NPAS2: variants seen among roughly 807,000 people sequenced by gnomAD.
The protein encoded by NPAS2 is neuronal PAS domain-containing protein 2.
NPAS2 carries 23 observed loss-of-function variants against 107.5 expected under a neutral mutation model. The observed-to-expected ratio is 0.21, with a 90% CI of 0.15 to 0.30. The LOEUF is 0.30. Among genes scored for constraint, NPAS2 ranks in the 10% least tolerant of loss-of-function variants. The pLI is 1.00. For missense variants in NPAS2, 756 were observed against 1,043.3 expected, an observed-to-expected ratio of 0.72 and a Z score of 3.79; for synonymous variants, 403 against 417.5, an observed-to-expected ratio of 0.97 and a Z score of 0.42.
chr2:100,832,117 C>T (rs140643504), intron 1 of NPAS2, among the ~76,000 whole-genome samples: 1,539 of 152,176 alleles, frequency 0.01, 51 homozygotes, highest in Admixed American at 0.058. Flanking sequence ...CCTGGGCCTG[C>T]GATCCCCGCT....
intron 5 of NPAS2, among the ~76,000 whole-genome samples, chr2:100,943,141 G>A (rs1344357298): frequency 2.0e-5 from 3 of 152,200 alleles, no homozygotes; most frequent in Non-Finnish European, 4.4e-5. Flanking sequence ...TGATGCCATA[G>A]TGGTGGCACC....
At chr2:100,964,458 A>G (rs1311214577) in intron 8 of NPAS2, among the ~76,000 whole-genome samples, 1 of 152,202 alleles carries the variant, frequency 6.6e-6, no homozygotes, top group African/African-American at 2.4e-5. Context: ...CGTTAATACC[A>G]TGCAGGCCAG....
At chr2:100,982,400 C>G (rs1292953033) in intron 16 of NPAS2, 23 bp downstream of exon 16, 3 of 1,611,682 alleles carry the variant, frequency 1.9e-6, no homozygotes, top group South Asian at 2.2e-5. Flanking sequence ...CCGGGCTGGC[C>G]TCTGTCCCTG....
chr2:100,911,700 C>T (rs1573603743), intron 2 of NPAS2, among the ~76,000 whole-genome samples: 1 of 151,780 alleles, frequency 6.6e-6, no homozygotes, highest in Non-Finnish European at 1.5e-5. Context: ...GGCACAATGT[C>T]GGCTCACTGC....
At chr2:100,843,667 AC>A (rs539463988) in intron 1 of NPAS2, among the ~76,000 whole-genome samples, 2 of 152,156 alleles carry the variant, frequency 1.3e-5, no homozygotes, top group Non-Finnish European at 2.9e-5. Flanking sequence ...TGCTTTCCAC[AC>A]TTCAGTGTTC....
At chr2:100,963,608 G>T (rs1676042915) in intron 7 of NPAS2, among the ~76,000 whole-genome samples, 1 of 152,104 alleles carries the variant, frequency 6.6e-6, no homozygotes, top group East Asian at 1.9e-4. Flanking sequence ...TAGAGATGGG[G>T]TTTCACAGTG....
intron 1 of NPAS2, among the ~76,000 whole-genome samples, chr2:100,855,178 A>G (rs1678478035): frequency 6.6e-6 from 1 of 152,076 alleles, no homozygotes; most frequent in Non-Finnish European, 1.5e-5. Flanking sequence ...TCATATTTCT[A>G]CCTTGGGGGT....
At position 100,995,880 on chromosome 2, in the gene NPAS2, G is replaced by T; in HGVS notation, c.*298G>T. On this transcript the variant is annotated 3_prime_UTR_variant, in exon 21 of 21. Transcript: ENST00000335681. ...GTCGGTCGGTTTGCCGTCAGAGATG[G>T]CGCATCTCGCTGCATCCCCCGAGAG... The T allele has an allele frequency of 6.8e-7, 1 of 1,477,828 alleles. No individual in the cohort carries two copies. Among genetic ancestry groups the T allele is most frequent in the Non-Finnish European group, 9.1e-7 (1 of 1,103,686 alleles). The allele number at this position is 1,477,828 out of a possible 1,614,324, so 91.5% of individuals were successfully genotyped here.
chr2:100,829,957 T>C (rs1049234648), intron 1 of NPAS2, among the ~76,000 whole-genome samples: 3 of 151,856 alleles, frequency 2.0e-5, no homozygotes, highest in African/African-American at 7.3e-5. Context: ...TGTCCTCCAA[T>C]AGGAAAGGAA....
At chr2:100,971,184 A>G (rs1676527005) in intron 12 of NPAS2, 110 bp downstream of exon 12, 2 of 966,850 alleles carry the variant, frequency 2.1e-6, no homozygotes, top group Admixed American at 4.4e-5. Context: ...GGTACAACCA[A>G]GCTATTCAGG....
intron 2 of NPAS2, among the ~76,000 whole-genome samples, chr2:100,905,438 A>G (rs1682084592): frequency 6.6e-6 from 1 of 151,728 alleles, no homozygotes; most frequent in African/African-American, 2.4e-5. Flanking sequence ...CAGTGGAATC[A>G]TAACAGTGAC....
intron 16 of NPAS2, 61 bp downstream of exon 16, chr2:100,982,438 C>A: frequency 6.3e-7 from 1 of 1,579,680 alleles, no homozygotes; most frequent in South Asian, 1.1e-5. Context: ...GTCCTGCCGC[C>A]ATTTCCGGGC....
At chr2:100,909,373 A>T (rs944041603) in intron 2 of NPAS2, among the ~76,000 whole-genome samples, 3 of 152,248 alleles carry the variant, frequency 2.0e-5, no homozygotes, top group Non-Finnish European at 2.9e-5. Flanking sequence ...CTTTCAGCCA[A>T]TTGCTCTTTC....
At position 100,976,148 on chromosome 2, in the gene NPAS2, A is replaced by G. The variant is rs1316436418; in HGVS notation, c.1392+581A>G. On this transcript the variant is annotated intron_variant, in intron 14 of 20. Transcript: ENST00000335681. The surrounding 1 kb of genome is among the most constrained non-coding windows in gnomAD (Gnocchi z 4.1). Reference sequence around the variant, plus strand: ...ATGGAGTCTGGGTCAGGAATTCAGAAAGGGCATCATGGGGATGGCACTTCT... The same window carrying G: ...ATGGAGTCTGGGTCAGGAATTCAGAGAGGGCATCATGGGGATGGCACTTCT... Among the ~76,000 whole-genome samples the G allele has an allele frequency of 6.6e-6, 1 of 151,890 alleles. No homozygotes were observed. Among genetic ancestry groups the G allele is most frequent in the African/African-American group, 2.4e-5 (1 of 41,346 alleles).
chr2:100,872,889 T>C (rs1679666091), intron 1 of NPAS2, among the ~76,000 whole-genome samples: 1 of 152,176 alleles, frequency 6.6e-6, no homozygotes, highest in African/African-American at 2.4e-5. Context: ...CCTATTTGTC[T>C]TCTGGAGCAG....
chr2:100,988,956 CG>C (rs1355226719), intron 17 of NPAS2: 6 of 188,064 alleles, frequency 3.2e-5, no homozygotes, highest in African/African-American at 1.2e-4. Context: ...TTCCTCCAGG[CG>C]CCCCCTGCTC....
At chr2:100,843,650 C>T (rs1677587255) in intron 1 of NPAS2, among the ~76,000 whole-genome samples, 1 of 152,096 alleles carries the variant, frequency 6.6e-6, no homozygotes, top group Non-Finnish European at 1.5e-5. Context: ...GCAGAAGAAA[C>T]ATAAAATGCT....
intron 1 of NPAS2, among the ~76,000 whole-genome samples, chr2:100,839,434 A>G (rs2104411210): frequency 6.6e-6 from 1 of 152,208 alleles, no homozygotes; most frequent in African/African-American, 2.4e-5. Flanking sequence ...TGGCCTGAGA[A>G]TGAAGACCTT....
intron 7 of NPAS2, among the ~76,000 whole-genome samples, chr2:100,950,471 A>C (rs911709892): frequency 5.3e-5 from 8 of 152,186 alleles, no homozygotes; most frequent in Non-Finnish European, 1.0e-4. Flanking sequence ...TGGTGGGTCT[A>C]TTCCTTCAGT....
Sources: gnomAD v4.1 joint callset for allele counts (sites outside exome capture counted in the v4.1 genomes callset) on GRCh38, gnomAD v4.1.1 for gene constraint, Gnocchi (gnomAD v3.1) non-coding constraint, MANE v1.5 for transcripts, NCBI Gene and HGNC (gene_info 2026-07-23, HGNC 2026-07-21) for gene names.